HPD: variants seen among roughly 807,000 people sequenced by gnomAD.
HPD encodes 4-hydroxyphenylpyruvic acid oxidase.
In HPD, 35 loss-of-function variants were observed where a neutral mutation model predicts 56.9. The ratio of observed to expected loss-of-function variants is 0.62; its 90% CI spans 0.47 to 0.82. The LOEUF (loss-of-function observed/expected upper bound fraction) is 0.82. Among genes scored for constraint, HPD ranks in the 40% least tolerant of loss-of-function variants. The pLI, the probability that HPD is intolerant of heterozygous loss-of-function variation, is 0.00. For missense variants in HPD, 442 were observed against 506.8 expected, an observed-to-expected ratio of 0.87 and a Z score of 1.23; for synonymous variants, 186 against 200.2, an observed-to-expected ratio of 0.93 and a Z score of 0.60.
chr12:121,839,552 G>T lies in HPD; in HGVS notation c.*176C>A, dbSNP rs1432226230. The T allele has an allele frequency of 3.1e-6, 2 of 635,092 alleles. No homozygotes were observed. Among genetic ancestry groups the T allele is most frequent in the Non-Finnish European group, 5.6e-6 (2 of 355,406 alleles). The allele number at this position is 635,092 out of a possible 1,614,324, so 39.3% of individuals were successfully genotyped here. A position where few individuals can be genotyped will look rare whatever the true frequency, so the allele number is the denominator to read the frequency against. On this transcript the variant is annotated 3_prime_UTR_variant, in exon 14 of 14. Coordinates refer to ENST00000289004, the MANE Select transcript of HPD (RefSeq NM_002150.3). ...TTGGACCGGGGCACGCTTTAATCGG[G>T]AGGGCTGGAGCAGAGGGCGGCCCCG...
chr12:121,873,857 G>A, the HPD span, among the ~76,000 whole-genome samples: 2 of 151,898 alleles, frequency 1.3e-5, no homozygotes, highest in African/African-American at 2.4e-5. Context: ...GGCGGTTCAC[G>A]CCTGTAATCC....
At chr12:121,873,378 T>A in the HPD span, among the ~76,000 whole-genome samples, 1 of 152,164 alleles carries the variant, frequency 6.6e-6, no homozygotes, top group Non-Finnish European at 1.5e-5. Flanking sequence ...GCTGGTCCCT[T>A]TCAGCCCAAT....
chr12:121,856,856 G>A (rs528072526), intron 4 of HPD: 125 of 591,362 alleles, frequency 2.1e-4, no homozygotes, highest in Non-Finnish European at 2.2e-4. Context: ...GGTCTCCCTC[G>A]GGGAGAGAAC....
At chr12:121,856,050 T>C (rs1202876690) in intron 6 of HPD, among the ~76,000 whole-genome samples, 1 of 151,472 alleles carries the variant, frequency 6.6e-6, no homozygotes, top group Non-Finnish European at 1.5e-5. Flanking sequence ...TAGCCCCATC[T>C]GGCAGCTGTG....
chr12:121,866,874 C>T (rs1003689510), upstream of HPD, among the ~76,000 whole-genome samples: 1 of 151,986 alleles, frequency 6.6e-6, no homozygotes, highest in South Asian at 2.1e-4. Flanking sequence ...AATTCCATTA[C>T]CCCAAAATGT....
upstream of HPD, among the ~76,000 whole-genome samples, chr12:121,860,454 C>T (rs781178668): frequency 1.3e-5 from 2 of 152,168 alleles, no homozygotes; most frequent in South Asian, 2.1e-4. Context: ...GAACTCTGTC[C>T]CCAACACTGT....
intron 11 of HPD, among the ~76,000 whole-genome samples, chr12:121,846,111 C>G (rs1277465347): frequency 2.6e-5 from 4 of 152,180 alleles, no homozygotes; most frequent in Admixed American, 6.6e-5. Context: ...GTTTTCCAGG[C>G]TGATCTCTAA....
At chr12:121,852,245 C>T (rs2137623675) in intron 7 of HPD, among the ~76,000 whole-genome samples, 1 of 152,228 alleles carries the variant, frequency 6.6e-6, no homozygotes, top group East Asian at 1.9e-4. Context: ...GTCTCAAATT[C>T]CTGGGCTCAA....
intron 11 of HPD, among the ~76,000 whole-genome samples, chr12:121,845,540 G>T (rs1340444533): frequency 5.4e-5 from 8 of 149,366 alleles, no homozygotes; most frequent in Non-Finnish European, 1.0e-4. Context: ...GGCGGAGCTT[G>T]CAGTGAGCCG....
intron 7 of HPD, among the ~76,000 whole-genome samples, chr12:121,853,679 C>T (rs1877890221): frequency 1.3e-5 from 2 of 150,464 alleles, no homozygotes; most frequent in Non-Finnish European, 3.0e-5. Flanking sequence ...CACGGTGGCT[C>T]ACGCCTGTAA....
chr12:121,862,979 AC>A (rs1297057969), upstream of HPD, among the ~76,000 whole-genome samples: 3 of 74,580 alleles, frequency 4.0e-5, no homozygotes, highest in Non-Finnish European at 8.3e-5. Flanking sequence ...CGCGCCCGGC[AC>A]CCCCCCTCCT....
chr12:121,873,600 C>T, the HPD span, among the ~76,000 whole-genome samples: 2 of 151,560 alleles, frequency 1.3e-5, no homozygotes, highest in South Asian at 4.2e-4. Context: ...GGGCGGATCA[C>T]AAGGTCAGGA....
At chr12:121,886,293 A>G in the HPD span, among the ~76,000 whole-genome samples, 1 of 151,042 alleles carries the variant, frequency 6.6e-6, no homozygotes, top group Non-Finnish European at 1.5e-5. Context: ...TATTTTTAGT[A>G]GAGATGGAGT....
At chr12:121,845,653 C>T (rs1464929901) in intron 11 of HPD, among the ~76,000 whole-genome samples, 1 of 150,690 alleles carries the variant, frequency 6.6e-6, no homozygotes, top group African/African-American at 2.4e-5. Context: ...CCACGTTGGT[C>T]TTGAACTTCT....
chr12:121,861,573 T>C (rs151146712), upstream of HPD, among the ~76,000 whole-genome samples: 4 of 152,250 alleles, frequency 2.6e-5, no homozygotes, highest in African/African-American at 9.6e-5. Flanking sequence ...GTTCTTACTA[T>C]AGTGTTTGCT....
In HPD at chr12:121,846,866, G is replaced by C; in HGVS notation, c.827C>G (p.Thr276Arg). Reference sequence around the variant, plus strand: ...GACAGGGAAGGGGGTTCTAACCGCTGTGATGATGTCTTCGGTCTTGAGAGC... The same window carrying C: ...GACAGGGAAGGGGGTTCTAACCGCTCTGATGATGTCTTCGGTCTTGAGAGC... ...HIALKTEDII[T>R]AIRHLRERGL... Residue 276 changes from threonine (T) to arginine (R), a missense_variant, in exon 11 of 14, where the codon ACA becomes AGA. Thr to Arg is a moderately conservative substitution (Grantham distance 71, BLOSUM62 -1). Transcript: ENST00000289004. The C allele has an allele frequency of 6.2e-7, 1 of 1,614,066 alleles. No individual in the cohort carries two copies. Among genetic ancestry groups the C allele is most frequent in the Non-Finnish European group, 8.5e-7 (1 of 1,179,908 alleles).
chr12:121,850,332 CAGG>C lies in HPD; in HGVS notation c.415-545_415-543del, dbSNP rs557285952. 1.3e-3 allele frequency among the ~76,000 whole-genome samples: 196 copies of C among 151,516 alleles called. 4 individuals are homozygous for C. In the South Asian group the frequency reaches 0.025, roughly 19 times the overall value. ...GTCCCAGCTACTTGGGAGGCTGAGACAGGAGAATGGCATGAACCCAGGAGGCAG... is the reference window on the plus strand; with the variant it reads ...GTCCCAGCTACTTGGGAGGCTGAGACAGAATGGCATGAACCCAGGAGGCAG... On this transcript the variant is annotated intron_variant, in intron 7 of 13. Transcript: ENST00000289004.
chr12:121,887,446 C>T, the HPD span, among the ~76,000 whole-genome samples: 14 of 151,902 alleles, frequency 9.2e-5, no homozygotes, highest in Admixed American at 5.9e-4. Flanking sequence ...TTTGAAAGGC[C>T]GAGCTGGGCT....
Position 121,843,774 on chromosome 12 carries a change from T to C in HPD, c.890A>G (p.Lys297Arg), listed in dbSNP as rs1457588448. 3.7e-6 allele frequency: 6 copies of C among 1,614,138 alleles called. No individual in the cohort carries two copies. Among genetic ancestry groups the C allele is most frequent in the Non-Finnish European group, 5.1e-6 (6 of 1,180,012 alleles). ...EFLSVPSTYYKQLREKLKTAK... is the reference protein window; with the variant it reads ...EFLSVPSTYYRQLREKLKTAK... ...CGTCTTCAGCTTCTCCCGCAGTTGT[T>C]TGTAGTACGTGGAGGGAACAGATAA... is the stretch of plus-strand genomic sequence containing the variant. The change falls in exon 12 of 14, where the codon AAA (lysine) becomes AGA (arginine). Residue 297 changes from lysine (K) to arginine (R), a missense_variant. By Grantham distance (26) the Lys-to-Arg change is conservative (BLOSUM62 2). Transcript: ENST00000289004.
Sources: allele counts gnomAD v4.1 joint callset (sites outside exome capture counted in the v4.1 genomes callset), GRCh38; gene constraint gnomAD v4.1.1; transcripts MANE v1.5; gene names NCBI Gene and HGNC (gene_info 2026-07-23, HGNC 2026-07-21).